NEMF: variants seen among roughly 807,000 people sequenced by gnomAD.
NEMF encodes the protein nuclear export mediator factor.
NEMF carries 89 observed loss-of-function variants against 162.2 expected under a neutral mutation model. The observed-to-expected ratio is 0.55, with a 90% CI of 0.46 to 0.65. NEMF has a LOEUF of 0.65. Ranked by LOEUF, NEMF falls within the 30% of genes least tolerant of loss-of-function variation. The probability of loss-of-function intolerance (pLI) is 0.00; values close to 1 mark genes in which losing one functional copy is unlikely to be tolerated. For missense variants in NEMF, 1,133 were observed against 1,261.9 expected (o/e 0.90, Z 1.55); for synonymous variants, 421 against 404.5 (o/e 1.04, Z -0.49).
At chr14:49,837,941 G>A (rs1456952662) in intron 6 of NEMF, among the ~76,000 whole-genome samples, 198 bp downstream of exon 6, 1 of 151,750 alleles carries the variant, frequency 6.6e-6, no homozygotes, top group Non-Finnish European at 1.5e-5. Flanking sequence ...AACACAATCT[G>A]CATTGCTTTT....
chr14:49,785,349 G>A (rs755579370), intron 29 of NEMF, 29 bp from the exon 30 acceptor site: 5 of 1,493,380 alleles, frequency 3.3e-6, no homozygotes, highest in Non-Finnish European at 4.7e-6. Flanking sequence ...AGTTACAAAG[G>A]CAATTTATAC....
At chr14:49,831,850 C>T (rs1034070810) in intron 10 of NEMF, among the ~76,000 whole-genome samples, 1 of 152,210 alleles carries the variant, frequency 6.6e-6, no homozygotes, top group East Asian at 1.9e-4. Context: ...AAATGAAGTT[C>T]AAACCTCTGG....
chr14:49,835,507 G>A (rs1018250669), intron 6 of NEMF, among the ~76,000 whole-genome samples: 4 of 152,136 alleles, frequency 2.6e-5, no homozygotes, highest in Non-Finnish European at 5.9e-5. Flanking sequence ...GGAATAGAGG[G>A]AGCATTCTCA....
chr14:49,789,283 C>A lies in NEMF; in HGVS notation c.2758G>T (p.Glu920Ter). 1 of 1,614,168 alleles carries A rather than the reference C, an allele frequency of 6.2e-7. No homozygotes were observed. Among genetic ancestry groups the A allele is most frequent in the Non-Finnish European group, 8.5e-7 (1 of 1,180,018 alleles). Residue 920 changes from glutamate to a stop codon, truncating the protein, a stop_gained, in exon 28 of 33, where the codon GAA becomes TAA. Coordinates refer to ENST00000298310, the MANE Select transcript of NEMF (RefSeq NM_004713.6). LOFTEE classifies it high-confidence loss of function. ...KKGKKGKTKD[E>*]PVKKQPQKPR... ...TTCTGGGGCTGTTTCTTCACAGGTT[C>A]GTCCTTTGTTTTTCCTTTCTTCCCC...
At position 49,846,244 on chromosome 14, in the gene NEMF, G is replaced by T. The variant is rs370313787; in HGVS notation, c.253C>A (p.Arg85=). The stretch of plus-strand genomic sequence containing the variant: ...AGCTGTTTTGCACTGACTAATCTCC[G>T]ACTCTTCAAATGTTTTCGGCACTAG... ...AMKCRKHLKS[R]RLVSAKQLGV... Residue 85 remains arginine (R), a synonymous_variant, in exon 4 of 33, where the codon CGG becomes AGG. Transcript: ENST00000298310. The T allele has an allele frequency of 3.1e-6, 5 of 1,611,904 alleles. No individual in the cohort carries two copies. The highest frequency in any genetic ancestry group is 2.2e-5 in the East Asian group (1 of 44,850).
At chr14:49,851,688 T>C (rs1893784103) in intron 2 of NEMF, 23 bp from the exon 3 acceptor site, 2 of 1,599,656 alleles carry the variant, frequency 1.3e-6, no homozygotes, top group Non-Finnish European at 8.6e-7. Flanking sequence ...AAAGTCGAAT[T>C]TTTCTTTAGG....
At chr14:49,787,048 A>G (rs964043274) in intron 28 of NEMF, 16 of 245,770 alleles carry the variant, frequency 6.5e-5, no homozygotes, top group Non-Finnish European at 1.1e-4. Context: ...TAAAGCAGCA[A>G]AAGTTACAAG....
chr14:49,806,282 G>C (rs1891212283), intron 18 of NEMF, 149 bp from the exon 19 acceptor site: 1 of 23,494 alleles, frequency 4.3e-5, no homozygotes, highest in African/African-American at 2.0e-4. Context: ...TTTTTTTTGA[G>C]ATGGAGTTTC....
intron 3 of NEMF, among the ~76,000 whole-genome samples, chr14:49,848,533 C>T (rs1314384678): frequency 6.6e-6 from 1 of 151,896 alleles, no homozygotes; most frequent in Non-Finnish European, 1.5e-5. Context: ...AGAAAGAATG[C>T]TTTCTTCAAG....
In NEMF at chr14:49,832,029, A is replaced by C; in HGVS notation, c.882+22T>G. The C allele has an allele frequency of 3.2e-6, 5 of 1,543,300 alleles. No individual in the cohort carries two copies. The South Asian group carries it at 6.0e-5, about 19-fold the overall frequency. ...TCATATCATGCTAACTAACTGGTAA[A>C]GGAACAGAACGGAAAACCCACCTTG... On this transcript the variant is annotated intron_variant, in intron 10 of 32. Transcript: ENST00000298310.
rs754201335 is a variant in NEMF at position 49,846,177 on chromosome 14, TC to T, written c.319del (p.Glu107LysfsTer6). 1 of 1,613,856 alleles carries T rather than the reference TC, an allele frequency of 6.2e-7. No homozygotes were observed. On this transcript the variant is annotated frameshift_variant, in exon 4 of 33. Transcript: ENST00000298310. LOFTEE classifies it high-confidence loss of function. Reference protein sequence around the residue: ...RIVDFQFGSDEAAYHLIIELY... With the variant: ...RIVDFQFGSDXAAYHLIIELY... ...CTCAATGATTAAATGGTAAGCAGCT[TC>T]ATCACTTCCAAATTGAAAATCTACA...
rs1892512511 is a variant in NEMF at position 49,829,103 on chromosome 14, C to T, written c.1183G>A (p.Ala395Thr). 9.3e-6 allele frequency: 15 copies of T among 1,614,146 alleles called. No homozygotes were observed. The highest frequency in any genetic ancestry group is 1.3e-5 in the Non-Finnish European group (15 of 1,180,018). The change falls in exon 13 of 33, where the codon GCA (alanine) becomes ACA (threonine). Residue 395 changes from alanine to threonine, a missense_variant. Ala to Thr is a moderately conservative substitution (Grantham distance 58). Coordinates refer to ENST00000298310, the MANE Select transcript of NEMF (RefSeq NM_004713.6). ...GTTTGTAGTTTTAATTCTTTGATTG[C>T]ACTTGCAACAGGGTCTCCTTGAGCC... ...AQAQGDPVAS[A>T]IKELKLQTNH...
In NEMF at chr14:49,801,008, A is replaced by G. The variant is rs982446650; in HGVS notation, c.2096-312T>C. The G allele has an allele frequency of 1.7e-5, 5 of 290,056 alleles. No homozygotes were observed. The South Asian group carries it at 2.1e-4, about 12-fold the overall frequency. 18.0% of individuals were successfully genotyped at this position (290,056 alleles called of 1,614,324 possible). A position where few individuals can be genotyped will look rare whatever the true frequency, so the allele number is the denominator to read the frequency against. On this transcript the variant is annotated intron_variant, in intron 22 of 32. Transcript: ENST00000298310. ...AAACCAAGACAGCAAAATTAGTTGCATAACTTTTGCTGCTTTTATTATAAT... is the reference window on the plus strand; with the variant it reads ...AAACCAAGACAGCAAAATTAGTTGCGTAACTTTTGCTGCTTTTATTATAAT...
intron 19 of NEMF, among the ~76,000 whole-genome samples, chr14:49,804,147 G>A (rs563651146): frequency 6.6e-6 from 1 of 151,044 alleles, no homozygotes; most frequent in Admixed American, 6.6e-5. Context: ...TGGGATTACA[G>A]GTGCGCACCA....
intron 3 of NEMF, among the ~76,000 whole-genome samples, chr14:49,851,223 A>G (rs1464696409): frequency 6.6e-6 from 1 of 152,202 alleles, no homozygotes; most frequent in Non-Finnish European, 1.5e-5. Flanking sequence ...CAAAAAAACA[A>G]ACAAACAAAA....
At chr14:49,841,196 CAAA>C (rs34039009) in intron 4 of NEMF, among the ~76,000 whole-genome samples, 4 of 56,790 alleles carry the variant, frequency 7.0e-5, no homozygotes, top group Non-Finnish European at 1.2e-4. Context: ...AACTCTGTCT[CAAA>C]AAAAAAAAAA....
At chr14:49,785,496 A>G (rs555268586) in intron 29 of NEMF, 176 bp from the exon 30 acceptor site, 2 of 567,232 alleles carry the variant, frequency 3.5e-6, no homozygotes, top group African/African-American at 1.9e-5. Context: ...TTGAAGACCA[A>G]TGTTTAAATA....
chr14:49,784,604 C>A lies in NEMF; in HGVS notation c.*32G>T. The A allele has an allele frequency of 6.7e-7, 1 of 1,492,566 alleles. No homozygotes were observed. Among genetic ancestry groups the A allele is most frequent in the South Asian group, 1.2e-5 (1 of 85,238 alleles). 92.5% of individuals were successfully genotyped at this position (1,492,566 alleles called of 1,614,324 possible). A position where few individuals can be genotyped will look rare whatever the true frequency, so the allele number is the denominator to read the frequency against. ...AACTTCCAAAAGGCTATAAAATTGGCTCTTCTCAAATATTTTAGAATTTCA... is the reference window on the plus strand; with the variant it reads ...AACTTCCAAAAGGCTATAAAATTGGATCTTCTCAAATATTTTAGAATTTCA... On this transcript the variant is annotated 3_prime_UTR_variant, in exon 33 of 33. Transcript: ENST00000298310.
chr14:49,796,446 G>A (rs892134475), intron 25 of NEMF: 7 of 339,584 alleles, frequency 2.1e-5, no homozygotes, highest in Non-Finnish European at 3.5e-5. Flanking sequence ...ATCCCACCCA[G>A]ACTTCCTCCA....
Sources: allele counts gnomAD v4.1 joint callset (sites outside exome capture counted in the v4.1 genomes callset), GRCh38; gene constraint gnomAD v4.1.1; transcripts MANE v1.5; gene names NCBI Gene and HGNC (gene_info 2026-07-23, HGNC 2026-07-21).